The following TENM2 variants were observed in gnomAD, a reference collection of about 807,000 sequenced individuals.
TENM2 encodes the protein teneurin transmembrane protein 2.
TENM2 carries 52 observed loss-of-function variants against 245.2 expected under a neutral mutation model. The ratio of observed to expected loss-of-function variants is 0.21; its 90% CI spans 0.17 to 0.27. The LOEUF is 0.27. TENM2 is among the 10% of genes least tolerant of loss of function. The pLI, the probability that TENM2 is intolerant of heterozygous loss-of-function variation, is 1.00. For missense variants in TENM2, 3,046 were observed against 3,666.8 expected (o/e 0.83, Z 4.37); for synonymous variants, 1,363 against 1,438.9 (o/e 0.95, Z 1.19).
chr5:168,250,714 C>G (rs1767037279), intron 27 of TENM2, among the ~76,000 whole-genome samples: 2 of 152,168 alleles, frequency 1.3e-5, no homozygotes, highest in South Asian at 4.1e-4. Flanking sequence ...GCCAAGCGAC[C>G]TAGGCTAACA....
intron 2 of TENM2, among the ~76,000 whole-genome samples, chr5:167,380,056 G>A (rs1356460136): frequency 6.6e-6 from 1 of 151,776 alleles, no homozygotes; most frequent in Non-Finnish European, 1.5e-5. Flanking sequence ...AGAAGAGTAT[G>A]AAATGAGTTA....
At chr5:168,048,644 C>T (rs1378265024) in intron 6 of TENM2, among the ~76,000 whole-genome samples, 7 of 152,140 alleles carry the variant, frequency 4.6e-5, no homozygotes, top group Admixed American at 3.3e-4. Flanking sequence ...TGGAGCTTTC[C>T]TTCAAGCAGT....
chr5:168,000,049 C>T (rs780206774), intron 5 of TENM2, among the ~76,000 whole-genome samples: 7 of 152,216 alleles, frequency 4.6e-5, no homozygotes, highest in Non-Finnish European at 1.0e-4. Context: ...CTCTCTATAA[C>T]GATGATCTCT....
intron 4 of TENM2, among the ~76,000 whole-genome samples, chr5:167,979,177 T>G (rs1422082070): frequency 6.6e-6 from 1 of 151,942 alleles, no homozygotes; most frequent in Non-Finnish European, 1.5e-5. Context: ...TAAAGAAAGG[T>G]GCACCAGGCA....
chr5:167,065,732 A>G, the TENM2 span, among the ~76,000 whole-genome samples: 1 of 152,212 alleles, frequency 6.6e-6, no homozygotes, highest in Admixed American at 6.5e-5. Context: ...GAATTCCCAT[A>G]AAGCCCATTT....
At chr5:167,638,508 A>G (rs945056872) in intron 2 of TENM2, among the ~76,000 whole-genome samples, 1 of 152,196 alleles carries the variant, frequency 6.6e-6, no homozygotes, top group Admixed American at 6.5e-5. Flanking sequence ...GAACCTGTAC[A>G]TTTCTTCTAA....
At chr5:168,172,045 C>G (rs1397242831) in intron 13 of TENM2, among the ~76,000 whole-genome samples, 1 of 152,220 alleles carries the variant, frequency 6.6e-6, no homozygotes, top group Admixed American at 6.5e-5. Flanking sequence ...TGGTTCCCTA[C>G]CGGGGCAACT....
At chr5:167,608,483 G>C (rs3101178) in intron 2 of TENM2, among the ~76,000 whole-genome samples, 14,877 of 152,274 alleles carry the variant, frequency 0.098, 810 homozygotes, top group African/African-American at 0.11. Flanking sequence ...AGATGACAGA[G>C]TGCTTCCCTT....
chr5:167,828,408 T>G (rs1029170663), intron 2 of TENM2, among the ~76,000 whole-genome samples: 1 of 152,228 alleles, frequency 6.6e-6, no homozygotes, highest in African/African-American at 2.4e-5. Flanking sequence ...TCACACCATT[T>G]TAAGCGATAG....
chr5:167,009,891 C>CAT, the TENM2 span, among the ~76,000 whole-genome samples: 1 of 152,138 alleles, frequency 6.6e-6, no homozygotes, highest in African/African-American at 2.4e-5. Context: ...GAATTGGGAA[C>CAT]ATTTTTCTTA....
chr5:167,893,636 T>G lies in TENM2; in HGVS notation c.712+17441T>G, dbSNP rs570663803. On this transcript the variant is annotated intron_variant, in intron 3 of 28. Transcript: ENST00000518659. ...AAACAAAAAAGGTTTTTTTGTTGTT[T>G]TTTTTTTTTTAGTAAGAGGCATTTC... is the stretch of plus-strand genomic sequence containing the variant. 1.1e-4 allele frequency among the ~76,000 whole-genome samples: 16 copies of G among 151,744 alleles called. 1 individual carries two copies. The highest frequency in any genetic ancestry group is 5.8e-4 in the East Asian group (3 of 5,186).
chr5:167,561,743 T>A (rs574874169), intron 2 of TENM2, among the ~76,000 whole-genome samples: 3 of 152,100 alleles, frequency 2.0e-5, no homozygotes, highest in Non-Finnish European at 4.4e-5. Flanking sequence ...TTGTTAAGAG[T>A]AACTTTTTTC....
chr5:167,155,626 GGC>G, the TENM2 span, among the ~76,000 whole-genome samples: 1 of 152,152 alleles, frequency 6.6e-6, no homozygotes, highest in African/African-American at 2.4e-5. Flanking sequence ...ATAGAGCCGT[GGC>G]GTAGTGTTCC....
intron 2 of TENM2, among the ~76,000 whole-genome samples, chr5:167,826,774 C>T (rs190686515): frequency 1.3e-5 from 2 of 152,282 alleles, no homozygotes; most frequent in East Asian, 1.9e-4. Context: ...TTGGTAAAGG[C>T]GGATAGTCAA....
intron 1 of TENM2, among the ~76,000 whole-genome samples, chr5:167,371,334 G>GTT (rs768614312): frequency 0.068 from 8,737 of 128,864 alleles, 893 homozygotes; most frequent in African/African-American, 0.22. Flanking sequence ...ATGGCTCCCT[G>GTT]TTTTTTTTTT....
intron 2 of TENM2, among the ~76,000 whole-genome samples, chr5:167,845,994 C>G (rs1320503086): frequency 2.0e-5 from 3 of 152,102 alleles, no homozygotes; most frequent in Non-Finnish European, 2.9e-5. Flanking sequence ...CATCCTTCAC[C>G]CCATCTTCTT....
chr5:167,175,500 A>G, the TENM2 span, among the ~76,000 whole-genome samples: 1 of 152,242 alleles, frequency 6.6e-6, no homozygotes, highest in African/African-American at 2.4e-5. Flanking sequence ...GGGACTTGAA[A>G]TGTGAATCTT....
Position 168,215,004 on chromosome 5 carries a change from C to G in TENM2, c.3846-36C>G, listed in dbSNP as rs371843793. 4.5e-6 allele frequency: 7 copies of G among 1,571,216 alleles called. No homozygotes were observed. The African/African-American group carries it at 9.5e-5, about 21-fold the overall frequency. ...GATCTAGGAGGCCAGCTCCATAGCCCCCTCCTCATTTCTCTTTGTGCTTCT... is the reference window on the plus strand; with the variant it reads ...GATCTAGGAGGCCAGCTCCATAGCCGCCTCCTCATTTCTCTTTGTGCTTCT... On this transcript the variant is annotated intron_variant, in intron 20 of 28. Transcript: ENST00000518659.
intron 27 of TENM2, among the ~76,000 whole-genome samples, chr5:168,255,441 A>C (rs1262726932): frequency 6.6e-6 from 1 of 152,046 alleles, no homozygotes; most frequent in African/African-American, 2.4e-5. Flanking sequence ...AGCTGGGACT[A>C]CAGGTGCCCA....
Sources: gnomAD v4.1 joint callset for allele counts (sites outside exome capture counted in the v4.1 genomes callset) on GRCh38, gnomAD v4.1.1 for gene constraint, MANE v1.5 for transcripts, NCBI Gene and HGNC (gene_info 2026-07-23, HGNC 2026-07-21) for gene names.